The following GLB1 variants were observed in gnomAD, a reference collection of about 807,000 sequenced individuals.
GLB1 encodes galactosidase beta 1, also known as beta-galactosidase.
Under a neutral mutation model 74.0 loss-of-function variants are expected in GLB1, and 56 were observed. The ratio of observed to expected loss-of-function variants is 0.76; its 90% CI spans 0.61 to 0.94. The LOEUF (loss-of-function observed/expected upper bound fraction) is 0.94, where lower values mean the gene tolerates loss of function less well. Ranked by LOEUF, GLB1 falls within the 40% of genes least tolerant of loss-of-function variation. The pLI is 0.00. For synonymous variants in GLB1, 323 were observed against 323.6 expected (o/e 1.00, Z 0.02); for missense variants, 787 against 845.5 (o/e 0.93, Z 0.86).
chr3:33,011,616 G>A (rs565801427), intron 15 of GLB1, among the ~76,000 whole-genome samples: 49 of 128,930 alleles, frequency 3.8e-4, no homozygotes, highest in African/African-American at 1.5e-3. Flanking sequence ...CTGTACTCCA[G>A]CCTAGGTGAC....
At chr3:32,964,047 G>A in the GLB1 span, among the ~76,000 whole-genome samples, 4 of 152,206 alleles carry the variant, frequency 2.6e-5, no homozygotes, top group Non-Finnish European at 1.5e-5. Flanking sequence ...CAGTCCTGAG[G>A]ATGAATAACT....
intron 3 of GLB1, among the ~76,000 whole-genome samples, chr3:33,068,550 C>T (rs1272135581): frequency 6.6e-6 from 1 of 151,910 alleles, no homozygotes; most frequent in Non-Finnish European, 1.5e-5. Flanking sequence ...TCACAAATAC[C>T]CTGTGACGTA....
At chr3:33,082,061 C>A (rs944670541) in intron 1 of GLB1, among the ~76,000 whole-genome samples, 1 of 152,206 alleles carries the variant, frequency 6.6e-6, no homozygotes, top group Admixed American at 6.5e-5. Context: ...TCCTTCCCAA[C>A]AAGACTCAGG....
At chr3:32,975,618 C>T in the GLB1 span, among the ~76,000 whole-genome samples, 8 of 152,118 alleles carry the variant, frequency 5.3e-5, no homozygotes, top group Admixed American at 3.3e-4. Context: ...AGAGAGACTG[C>T]GAGAGAAAGA....
intron 10 of GLB1, chr3:33,033,818 C>A: frequency 9.7e-6 from 3 of 308,768 alleles, no homozygotes; most frequent in South Asian, 3.0e-5. Flanking sequence ...AATGGGGAGG[C>A]ACCACCAGGA....
chr3:33,012,822 A>T (rs1697084093), intron 15 of GLB1, among the ~76,000 whole-genome samples: 1 of 152,132 alleles, frequency 6.6e-6, no homozygotes, highest in African/African-American at 2.4e-5. Flanking sequence ...CATTGTCACA[A>T]TTTATTGATC....
At chr3:33,043,386 C>T (rs188227231) in intron 10 of GLB1, among the ~76,000 whole-genome samples, 209 of 152,140 alleles carry the variant, frequency 1.4e-3, no homozygotes, top group African/African-American at 4.9e-3. Flanking sequence ...CTGTGTACTA[C>T]GAGTTGTTCT....
chr3:33,013,991 T>A, intron 15 of GLB1, 65 bp downstream of exon 15: 1 of 1,613,096 alleles, frequency 6.2e-7, no homozygotes, highest in Admixed American at 1.7e-5. Context: ...TTTGTGATTC[T>A]TTCTCAGACA....
At chr3:32,995,522 G>C (rs1180733622), downstream of GLB1, among the ~76,000 whole-genome samples, 2 of 151,788 alleles carry the variant, frequency 1.3e-5, no homozygotes, top group Non-Finnish European at 2.9e-5. Context: ...GTTTGTTTCG[G>C]CTCATCTATG....
At position 33,091,300 on chromosome 3, in the gene GLB1, TCCCCCAGAA is replaced by T. The variant is rs1016909780; in HGVS notation, c.75+5702_75+5710del. The T allele has an allele frequency of 1.0e-4, 103 of 985,248 alleles. 1 individual carries two copies. In the African/African-American group the frequency reaches 1.6e-3, roughly 15 times the overall value. 61.0% of individuals were successfully genotyped at this position (985,248 alleles called of 1,614,324 possible). A position where few individuals can be genotyped will look rare whatever the true frequency, so the allele number is the denominator to read the frequency against. On this transcript the variant is annotated intron_variant, in intron 1 of 15. Coordinates refer to ENST00000307363, the MANE Select transcript of GLB1 (RefSeq NM_000404.4). Reference sequence around the variant, plus strand: ...GGGAACAAAAAGGGTGGTCTCCAGATCCCCCAGAACCCCACTATACACCAGGAGGACAAG... The same window carrying T: ...GGGAACAAAAAGGGTGGTCTCCAGATCCCCACTATACACCAGGAGGACAAG...
rs781725075 is a variant in GLB1 at position 33,097,125 on chromosome 3, G to A, written c.-40C>T. ...CGGCTCTGCAGTCGGCGCCCAGGCC[G>A]GCCGCTTCGCGTCACTTGACTAAGG... On this transcript the variant is annotated 5_prime_UTR_variant, in exon 1 of 16. Transcript: ENST00000307363. The A allele has an allele frequency of 1.9e-6, 3 of 1,606,770 alleles. No homozygotes were observed. The highest frequency in any genetic ancestry group is 1.7e-6 in the Non-Finnish European group (2 of 1,176,468).
chr3:32,981,090 CAAAAAAAAAA>C, the GLB1 span, among the ~76,000 whole-genome samples: 77 of 46,298 alleles, frequency 1.7e-3, no homozygotes, highest in African/African-American at 6.7e-3. Context: ...GACTCCGTCT[CAAAAAAAAAA>C]AAAAAAAAAA....
intron 10 of GLB1, among the ~76,000 whole-genome samples, chr3:33,033,563 A>G (rs1195943988): frequency 1.3e-5 from 2 of 152,140 alleles, no homozygotes; most frequent in Non-Finnish European, 2.9e-5. Context: ...CAGGTGGATC[A>G]CTTGAGGTCA....
chr3:33,048,731 G>T (rs1698847114), intron 9 of GLB1, among the ~76,000 whole-genome samples: 1 of 152,160 alleles, frequency 6.6e-6, no homozygotes, highest in Non-Finnish European at 1.5e-5. Flanking sequence ...GGGTGTGGGG[G>T]CTGGCTCAGG....
the GLB1 span, among the ~76,000 whole-genome samples, chr3:32,990,009 A>G: frequency 6.6e-6 from 1 of 152,228 alleles, no homozygotes; most frequent in Admixed American, 6.5e-5. Context: ...ACTTCAGAGG[A>G]CAAAAGATAT....
At chr3:32,990,097 T>C in the GLB1 span, among the ~76,000 whole-genome samples, 1 of 152,196 alleles carries the variant, frequency 6.6e-6, no homozygotes, top group Non-Finnish European at 1.5e-5. Context: ...CTGCCTCATC[T>C]CTGTTCATTC....
chr3:33,059,284 CACACACAG>C lies in GLB1; in HGVS notation c.553-1023_553-1016del, dbSNP rs1203309697. 1.2e-3 allele frequency among the ~76,000 whole-genome samples: 156 copies of C among 127,724 alleles called. 1 individual carries two copies. Among genetic ancestry groups the C allele is most frequent in the African/African-American group, 4.4e-3 (152 of 34,898 alleles). The allele number at this position is 127,724 out of a possible 152,430, so 83.8% of individuals were successfully genotyped here. On this transcript the variant is annotated intron_variant, in intron 5 of 15. Coordinates refer to ENST00000307363, the MANE Select transcript of GLB1 (RefSeq NM_000404.4). ...ACACACACACACACACACACACACACACACACAGAGCAAATAAACCAATATACAATATC... is the reference window on the plus strand; with the variant it reads ...ACACACACACACACACACACACACACAGCAAATAAACCAATATACAATATC...
intron 1 of GLB1, chr3:33,090,424 T>C (rs1442774615): frequency 9.1e-6 from 9 of 985,286 alleles, no homozygotes; most frequent in African/African-American, 1.7e-5. Flanking sequence ...GATGGGTATT[T>C]GGAAGGAATG....
In GLB1 at chr3:33,018,429, G is replaced by A. The variant is rs1272969975; in HGVS notation, c.1347+19C>T. ...CACCCTCACTGGGACAAAACGCACA[G>A]TTCAGAGACGATTCTTACCCCATCC... On this transcript the variant is annotated intron_variant, in intron 13 of 15. Transcript: ENST00000307363. 6.2e-7 allele frequency: 1 copy of A among 1,608,812 alleles called. No individual in the cohort carries two copies.
Sources: gnomAD v4.1 joint callset for allele counts (sites outside exome capture counted in the v4.1 genomes callset) on GRCh38, gnomAD v4.1.1 for gene constraint, MANE v1.5 for transcripts, NCBI Gene and HGNC (gene_info 2026-07-23, HGNC 2026-07-21) for gene names.